BCAS3: variants seen among roughly 807,000 people sequenced by gnomAD.
The protein encoded by BCAS3 is BCAS4/BCAS3 fusion.
A neutral mutation model predicts 116.1 loss-of-function variants in BCAS3; 53 were observed. The ratio of observed to expected loss-of-function variants is 0.46; its 90% CI spans 0.37 to 0.57. BCAS3 has a LOEUF of 0.57. BCAS3 is among the 20% of genes least tolerant of loss of function. BCAS3 has a pLI of 0.00. For missense variants in BCAS3, 917 were observed against 1,165.4 expected (o/e 0.79, Z 3.10); for synonymous variants, 391 against 408.2 (o/e 0.96, Z 0.51).
chr17:60,966,600 A>G (rs1039972454), intron 14 of BCAS3, among the ~76,000 whole-genome samples: 1 of 152,102 alleles, frequency 6.6e-6, no homozygotes, highest in Non-Finnish European at 1.5e-5. Context: ...ATAGAAGAGT[A>G]GAAACAAAGG....
chr17:61,389,988 T>C (rs1401624356), intron 23 of BCAS3: 1 of 152,332 alleles, frequency 6.6e-6, no homozygotes, highest in Non-Finnish European at 1.5e-5. Context: ...GCCTTCCCCA[T>C]CCTGGTGGCC....
chr17:61,156,020 AAAGTGACTT>A lies in BCAS3; in HGVS notation c.2425+71459_2425+71467del, dbSNP rs72281531. On this transcript the variant is annotated intron_variant, in intron 22 of 23. Transcript: ENST00000407086. The surrounding 1 kb of genome is among the most constrained non-coding windows in gnomAD (Gnocchi z 4.7). ...AGTTTTACTTTTCATGGTATTGTTT[AAAGTGACTT>A]AAATGACTTTTCCCAACAAGCTCAC... Among the ~76,000 whole-genome samples, 1,720 of 152,236 alleles carry A rather than the reference AAAGTGACTT, an allele frequency of 0.011. 33 individuals carry two copies. Among genetic ancestry groups the A allele is most frequent in the African/African-American group, 0.038 (1,598 of 41,514 alleles).
rs1055893992 is a variant in BCAS3, at chr17:60,810,211, C to G, written c.476+2135C>G. The G allele has an allele frequency of 1.6e-5, 7 of 436,252 alleles. No homozygotes were observed. In the East Asian group the frequency reaches 3.5e-4, roughly 22 times the overall value. 27.0% of individuals were successfully genotyped at this position (436,252 alleles called of 1,614,324 possible). On this transcript the variant is annotated intron_variant, in intron 7 of 23. Coordinates refer to ENST00000407086, the MANE Select transcript of BCAS3 (RefSeq NM_017679.5). ...ACGTTCTCCACCAAACTACCAGTCT[C>G]TGGGCTCTGTGCAGGTGCCCAGCTA...
chr17:61,027,505 C>A (rs949563988), intron 16 of BCAS3: 1 of 377,290 alleles, frequency 2.7e-6, no homozygotes. Flanking sequence ...TTGGTAAATT[C>A]TTTCATGTCA....
rs35581770 is a variant in BCAS3, at chr17:61,322,794, C to CAGAGAG, written c.2426-45503_2426-45498dup. ...TTAAGCCTCTCTTGAGAGAGAGAGA[C>CAGAGAG]AGAGAGAGAGAGAGAGAGAGAGAGA... On this transcript the variant is annotated intron_variant, in intron 22 of 23. Coordinates refer to ENST00000407086, the MANE Select transcript of BCAS3 (RefSeq NM_017679.5). Among the ~76,000 whole-genome samples the CAGAGAG allele has an allele frequency of 1.5e-3, 150 of 99,676 alleles. 1 individual carries two copies. Among genetic ancestry groups the CAGAGAG allele is most frequent in the East Asian group, 5.7e-3 (20 of 3,516 alleles). The allele number at this position is 99,676 out of a possible 152,430, so 65.4% of individuals were successfully genotyped here.
At chr17:61,115,802 T>C in intron 22 of BCAS3, among the ~76,000 whole-genome samples, 1 of 150,446 alleles carries the variant, frequency 6.6e-6, no homozygotes. Flanking sequence ...GTATGTTTAT[T>C]GCGGCATTAT....
At chr17:61,121,500 T>C (rs1348523284) in intron 22 of BCAS3, among the ~76,000 whole-genome samples, 4 of 152,198 alleles carry the variant, frequency 2.6e-5, no homozygotes. Flanking sequence ...TTTAATGAAC[T>C]TAGAAGAGTA....
At chr17:60,680,675 G>A (rs2032939329) in intron 2 of BCAS3, among the ~76,000 whole-genome samples, 1 of 149,680 alleles carries the variant, frequency 6.7e-6, no homozygotes, top group Non-Finnish European at 1.5e-5. Context: ...TCACTCTGTT[G>A]CCCAGGTTGG....
chr17:60,727,505 CTA>C, intron 5 of BCAS3: 1 of 1,452,388 alleles, frequency 6.9e-7, no homozygotes, highest in Non-Finnish European at 9.1e-7. Flanking sequence ...GCTGTTCCGT[CTA>C]TGTGATGAAA....
intron 2 of BCAS3, among the ~76,000 whole-genome samples, chr17:60,681,539 A>G (rs1211068912): frequency 6.6e-6 from 1 of 150,702 alleles, no homozygotes; most frequent in Non-Finnish European, 1.5e-5. Context: ...TTTTATATGT[A>G]TATATATTAT....
In BCAS3 at chr17:60,960,772, C is replaced by T. The variant is rs554745990; in HGVS notation, c.1221+13420C>T. ...TTGCAAGTCCAGTAGCTGCCTTCTT[C>T]TTCTTTTTCTTTTTTTTTTTTTAAT... On this transcript the variant is annotated intron_variant, in intron 14 of 23. Transcript: ENST00000407086. The surrounding 1 kb of genome is among the most constrained non-coding windows in gnomAD (Gnocchi z 4.1). Among the ~76,000 whole-genome samples, 2 of 151,166 alleles carry T rather than the reference C, an allele frequency of 1.3e-5. No homozygotes were observed. Among genetic ancestry groups the T allele is most frequent in the Admixed American group, 6.6e-5 (1 of 15,194 alleles).
intron 9 of BCAS3, chr17:60,887,488 T>C (rs1448906730): frequency 2.0e-5 from 3 of 152,414 alleles, no homozygotes; most frequent in African/African-American, 4.8e-5. Flanking sequence ...TGTTTAACTT[T>C]TATATTTAAG....
chr17:60,941,970 G>T (rs1430083322), intron 13 of BCAS3, among the ~76,000 whole-genome samples: 3 of 152,152 alleles, frequency 2.0e-5, no homozygotes, highest in Non-Finnish European at 4.4e-5. Context: ...TGTTTCTATT[G>T]AATTGTTTGT....
intron 12 of BCAS3, among the ~76,000 whole-genome samples, chr17:60,918,786 G>A (rs991089615): frequency 2.0e-5 from 3 of 150,108 alleles, no homozygotes; most frequent in African/African-American, 4.9e-5. Flanking sequence ...TCCGCATCCC[G>A]GGTTTACGGT....
intron 14 of BCAS3, among the ~76,000 whole-genome samples, chr17:60,951,034 T>C (rs115067612): frequency 0.01 from 1,567 of 152,334 alleles, 34 homozygotes; most frequent in African/African-American, 0.036. Flanking sequence ...ATCTTTATGT[T>C]GTAGAAGTTT....
chr17:61,010,252 A>T (rs1190327888), intron 15 of BCAS3, among the ~76,000 whole-genome samples: 3 of 151,878 alleles, frequency 2.0e-5, no homozygotes, highest in East Asian at 1.9e-4. Flanking sequence ...TTTTTATAGT[A>T]TAGAATGTCT....
intron 22 of BCAS3, among the ~76,000 whole-genome samples, chr17:61,297,308 G>A (rs1271809896): frequency 1.3e-5 from 2 of 152,182 alleles, no homozygotes; most frequent in Admixed American, 1.3e-4. Context: ...GAGAGAAGGT[G>A]TGTTCACTTT....
intron 4 of BCAS3, among the ~76,000 whole-genome samples, chr17:60,703,388 A>G (rs1429350711): frequency 3.3e-5 from 5 of 150,986 alleles, no homozygotes; most frequent in African/African-American, 9.7e-5. Context: ...CAGGAGTTCA[A>G]GACTAGTCTG....
At position 60,856,803 on chromosome 17, in the gene BCAS3, A is replaced by G. The variant is rs1027027754; in HGVS notation, c.477-11773A>G. On this transcript the variant is annotated intron_variant, in intron 7 of 23. Coordinates refer to ENST00000407086, the MANE Select transcript of BCAS3 (RefSeq NM_017679.5). ...TTTCCTTTTAAGAAATCTGGTTTAA[A>G]TATTTTGTTTTATAGTTCATAATTA... 2.6e-5 allele frequency among the ~76,000 whole-genome samples: 4 copies of G among 152,218 alleles called. No homozygotes were observed. In the East Asian group the frequency reaches 5.8e-4, roughly 22 times the overall value.
Sources: allele counts gnomAD v4.1 joint callset (sites outside exome capture counted in the v4.1 genomes callset), GRCh38; gene constraint gnomAD v4.1.1; non-coding constraint Gnocchi (gnomAD v3.1); transcripts MANE v1.5; gene names NCBI Gene and HGNC (gene_info 2026-07-23, HGNC 2026-07-21).